The following THAP9 variants were observed in gnomAD, a reference collection of about 807,000 sequenced individuals.
THAP9 encodes the protein THAP domain containing 9.
THAP9 carries 20 observed loss-of-function variants against 35.7 expected under a neutral mutation model. The observed-to-expected ratio is 0.56, with a 90% CI of 0.39 to 0.81. The LOEUF is 0.81. Among genes scored for constraint, THAP9 ranks in the 40% least tolerant of loss-of-function variants. The pLI is 0.00. For missense variants in THAP9, 870 were observed against 1,047.4 expected (o/e 0.83, Z 2.34); for synonymous variants, 335 against 373.7 (o/e 0.90, Z 1.19).
At position 82,900,743 on chromosome 4, in the gene THAP9, AGTG is replaced by A. The variant is rs1720288825; in HGVS notation, c.-57_-55del. The A allele has an allele frequency of 6.3e-7, 1 of 1,578,796 alleles. No individual in the cohort carries two copies. The highest frequency in any genetic ancestry group is 2.2e-5 in the East Asian group (1 of 44,690). On this transcript the variant is annotated 5_prime_UTR_variant, in exon 1 of 5. Transcript: ENST00000302236. The stretch of plus-strand genomic sequence containing the variant: ...CCGCAGAGTCAACGGGCGGAGCTAA[AGTG>A]GTCGTGATTCATGCTGTCGCGGGAA...
rs1299414866 is a variant in THAP9 at position 82,906,476 on chromosome 4, A to G, written c.429A>G (p.Gln143=). The G allele has an allele frequency of 1.2e-6, 2 of 1,613,720 alleles. No homozygotes were observed. The highest frequency in any genetic ancestry group is 8.5e-7 in the Non-Finnish European group (1 of 1,179,792). The change falls in exon 3 of 5, where the codon CAA becomes CAG. Residue 143 remains glutamine, a synonymous_variant. Transcript: ENST00000302236. ...GTGCAGAGAAACTGGCTGAGGTGCA[A>G]CAAATGTTACAAGTGTCCAAAAAAA... is the stretch of plus-strand genomic sequence containing the variant. ...TIGAEKLAEV[Q]QMLQVSKKRL...
chr4:82,910,712 C>T (rs758007372), intron 4 of THAP9: 28 of 592,094 alleles, frequency 4.7e-5, no homozygotes, highest in Non-Finnish European at 6.8e-5. Flanking sequence ...GCCAGTGAGG[C>T]AGGAGGAAAA....
intron 4 of THAP9, 46 bp from the exon 5 acceptor site, chr4:82,916,898 C>A: frequency 2.1e-6 from 3 of 1,454,626 alleles, no homozygotes; most frequent in South Asian, 1.7e-5. Context: ...TCCCATTTGT[C>A]TTTTTATTTC....
chr4:82,906,934 T>C (rs890634528), intron 3 of THAP9, among the ~76,000 whole-genome samples: 2 of 152,182 alleles, frequency 1.3e-5, no homozygotes, highest in East Asian at 3.8e-4. Flanking sequence ...CTTATCACTT[T>C]TTGTAGTAGC....
rs532227896 is a variant in THAP9, at chr4:82,911,451, G to A, written c.731+3516G>A. Among the ~76,000 whole-genome samples the A allele has an allele frequency of 3.3e-5, 5 of 152,104 alleles. No individual in the cohort carries two copies. The South Asian group carries it at 6.2e-4, about 19-fold the overall frequency. On this transcript the variant is annotated intron_variant, in intron 4 of 4. Coordinates refer to ENST00000302236, the MANE Select transcript of THAP9 (RefSeq NM_024672.6). The stretch of plus-strand genomic sequence containing the variant: ...CTAAAAAAATAAAAAAAAATTAGCC[G>A]GGCATGGTGGCAGGCACCTGTAGTC...
At chr4:82,908,968 G>A (rs945481417) in intron 4 of THAP9, among the ~76,000 whole-genome samples, 3 of 149,630 alleles carry the variant, frequency 2.0e-5, no homozygotes, top group Non-Finnish European at 3.0e-5. Context: ...GCAGTGGTGC[G>A]AGATCTTGGC....
Position 82,918,175 on chromosome 4 carries a change from A to C in THAP9, c.1963A>C (p.Lys655Gln), listed in dbSNP as rs144788840. Reference protein sequence around the residue: ...YKFQDEVFLSKVSIFDISIAR... With the variant: ...YKFQDEVFLSQVSIFDISIAR... ...ATTTCAAGATGAAGTTTTTCTAAGC[A>C]AAGTAAGCATCTTTGACATTTCAAT... Residue 655 changes from lysine (K) to glutamine (Q), a missense_variant, in exon 5 of 5, where the codon AAA (lysine) becomes CAA (glutamine). Lys to Gln is a moderately conservative substitution (Grantham distance 53, BLOSUM62 1). Transcript: ENST00000302236. 3,505 of 1,614,202 alleles carry C rather than the reference A, an allele frequency of 2.2e-3. 3 individuals carry two copies. Among genetic ancestry groups the C allele is most frequent in the Non-Finnish European group, 2.8e-3 (3,283 of 1,180,016 alleles).
In THAP9 at chr4:82,917,202, T is replaced by G. The variant is rs1026168041; in HGVS notation, c.990T>G (p.Phe330Leu). Reference sequence around the variant, plus strand: ...TTTTGTTAATGGCAGTGGGTATTTTTGGCCATTGGAGAACACCTCTTGGTT... The same window carrying G: ...TTTTGTTAATGGCAGTGGGTATTTTGGGCCATTGGAGAACACCTCTTGGTT... ...ETVLLMAVGI[F>L]GHWRTPLGYF... The change falls in exon 5 of 5, where the codon TTT becomes TTG. Residue 330 changes from phenylalanine (F) to leucine (L), a missense_variant. By Grantham distance (22) the Phe-to-Leu change is conservative. Coordinates refer to ENST00000302236, the MANE Select transcript of THAP9 (RefSeq NM_024672.6). 3.1e-6 allele frequency: 5 copies of G among 1,614,164 alleles called. No individual in the cohort carries two copies. Among genetic ancestry groups the G allele is most frequent in the African/African-American group, 1.3e-5 (1 of 75,066 alleles).
chr4:82,915,998 C>T (rs1354228552), intron 4 of THAP9, among the ~76,000 whole-genome samples: 1 of 151,942 alleles, frequency 6.6e-6, no homozygotes, highest in Non-Finnish European at 1.5e-5. Context: ...TTTGGAAAGC[C>T]CTATCCCAAA....
In THAP9 at chr4:82,900,766, C is replaced by T. The variant is rs200678921; in HGVS notation, c.-37C>T. 1 of 1,610,504 alleles carries T rather than the reference C, an allele frequency of 6.2e-7. No individual in the cohort carries two copies. The highest frequency in any genetic ancestry group is 1.7e-5 in the Admixed American group (1 of 59,998). On this transcript the variant is annotated 5_prime_UTR_variant, in exon 1 of 5. Coordinates refer to ENST00000302236, the MANE Select transcript of THAP9 (RefSeq NM_024672.6). Reference sequence around the variant, plus strand: ...AAAGTGGTCGTGATTCATGCTGTCGCGGGAACCCCGAAGGTGGGGCCCCAC... The same window carrying T: ...AAAGTGGTCGTGATTCATGCTGTCGTGGGAACCCCGAAGGTGGGGCCCCAC...
At chr4:82,907,076 A>AT (rs1324593358) in intron 3 of THAP9, among the ~76,000 whole-genome samples, 1 of 152,018 alleles carries the variant, frequency 6.6e-6, no homozygotes, top group African/African-American at 2.4e-5. Context: ...GTATCTCCAC[A>AT]TTTTTTTCTA....
At chr4:82,915,859 A>G (rs1721017871) in intron 4 of THAP9, among the ~76,000 whole-genome samples, 1 of 152,182 alleles carries the variant, frequency 6.6e-6, no homozygotes, top group Non-Finnish European at 1.5e-5. Context: ...AAAAAAAGTC[A>G]TGTATAAGTG....
chr4:82,907,633 A>G (rs1402440289), intron 3 of THAP9, 152 bp from the exon 4 acceptor site: 1 of 593,396 alleles, frequency 1.7e-6, no homozygotes, highest in African/African-American at 1.9e-5. Context: ...AGGGGTCCTA[A>G]GTGGATATTA....
rs911096071 is a variant in THAP9, at chr4:82,907,777, T to A, written c.581-8T>A. 3.8e-6 allele frequency: 6 copies of A among 1,567,484 alleles called. No individual in the cohort carries two copies. In the African/African-American group the frequency reaches 6.9e-5, roughly 18 times the overall value. On this transcript the variant is annotated splice_polypyrimidine_tract_variant and splice_region_variant and intron_variant, in intron 3 of 4. Transcript: ENST00000302236. Reference sequence around the variant, plus strand: ...CATCACAAAGAATAAAAAAATTTATTTTAACAGATTTTAAGTGGGAGTTAT... The same window carrying A: ...CATCACAAAGAATAAAAAAATTTATATTAACAGATTTTAAGTGGGAGTTAT...
intron 3 of THAP9, among the ~76,000 whole-genome samples, chr4:82,906,842 G>T (rs1367583890): frequency 1.3e-5 from 2 of 152,080 alleles, no homozygotes; most frequent in Admixed American, 6.5e-5. Flanking sequence ...GAAAAGCAAA[G>T]AAATATTTAA....
intron 4 of THAP9, among the ~76,000 whole-genome samples, chr4:82,911,437 A>T (rs967960928): frequency 6.6e-6 from 1 of 151,956 alleles, no homozygotes; most frequent in African/African-American, 2.4e-5. Flanking sequence ...TAAAAAAATA[A>T]AAAAAAATTA....
chr4:82,911,361 G>C (rs1720857997), intron 4 of THAP9, among the ~76,000 whole-genome samples: 1 of 151,984 alleles, frequency 6.6e-6, no homozygotes, highest in Non-Finnish European at 1.5e-5. Context: ...GGAGGCTGTG[G>C]AGGACGGACC....
In THAP9 at chr4:82,917,123, A is replaced by G; in HGVS notation, c.911A>G (p.Asp304Gly). ...AGTCACAGTTTGCAGGGGTTTATGGACTTTGGTCTTGGAAAACTTGATGCT... is the reference window on the plus strand; with the variant it reads ...AGTCACAGTTTGCAGGGGTTTATGGGCTTTGGTCTTGGAAAACTTGATGCT... ...PSSHSLQGFMDFGLGKLDADE... is the reference protein window; with the variant it reads ...PSSHSLQGFMGFGLGKLDADE... The change falls in exon 5 of 5, where the codon GAC (aspartate) becomes GGC (glycine). Residue 304 changes from aspartate to glycine, a missense_variant. By Grantham distance (94) the Asp-to-Gly change is moderately conservative. This residue lies in a region of THAP9 where 440 missense variants were observed against 501.2 expected (regional missense o/e 0.88). Transcript: ENST00000302236. The G allele has an allele frequency of 6.2e-7, 1 of 1,613,252 alleles. No individual in the cohort carries two copies.
chr4:82,912,632 T>C (rs1347597131), intron 4 of THAP9, among the ~76,000 whole-genome samples: 2 of 152,236 alleles, frequency 1.3e-5, no homozygotes, highest in East Asian at 3.8e-4. Context: ...TGTGTAAATA[T>C]GAATTGCACA....
Sources: allele counts gnomAD v4.1 joint callset (sites outside exome capture counted in the v4.1 genomes callset), GRCh38; gene constraint gnomAD v4.1.1; regional missense constraint gnomAD v4.1.1; transcripts MANE v1.5; gene names NCBI Gene and HGNC (gene_info 2026-07-23, HGNC 2026-07-21).